Variants in ADGRD1 observed in about 807,000 individuals in gnomAD.
ADGRD1 encodes the protein G-protein coupled receptor 133.
ADGRD1 carries 77 observed loss-of-function variants against 113.4 expected under a neutral mutation model. That is an observed-to-expected ratio of 0.68 (90% CI 0.57 to 0.82). The LOEUF (loss-of-function observed/expected upper bound fraction) is 0.82, where lower values mean the gene tolerates loss of function less well. Among genes scored for constraint, ADGRD1 ranks in the 40% least tolerant of loss-of-function variants. The probability of loss-of-function intolerance (pLI) is 0.00; values close to 1 mark genes in which losing one functional copy is unlikely to be tolerated. For synonymous variants in ADGRD1, 474 were observed against 475.0 expected (o/e 1.00, Z 0.03); for missense variants, 1,036 against 1,139.1 (o/e 0.91, Z 1.30).
chr12:131,129,413 G>A (rs1955035256), intron 20 of ADGRD1, among the ~76,000 whole-genome samples: 4 of 136,904 alleles, frequency 2.9e-5, no homozygotes, highest in Admixed American at 2.8e-4. Flanking sequence ...CTGTCTGGGT[G>A]TGAGTGACAG....
chr12:130,988,672 C>A (rs1256076959), intron 6 of ADGRD1: 1 of 152,284 alleles, frequency 6.6e-6, no homozygotes, highest in African/African-American at 2.4e-5. Context: ...CTGCGTTTGA[C>A]CCTGCCCTCT....
intron 15 of ADGRD1, among the ~76,000 whole-genome samples, chr12:131,103,718 C>T (rs1410103442): frequency 6.6e-6 from 1 of 152,222 alleles, no homozygotes; most frequent in Non-Finnish European, 1.5e-5. Context: ...CCCCTACCCG[C>T]ATGCCACAGG....
chr12:130,958,844 GC>G (rs1221182144), intron 2 of ADGRD1, among the ~76,000 whole-genome samples: 4 of 147,142 alleles, frequency 2.7e-5, no homozygotes, highest in Admixed American at 2.0e-4. Context: ...TGCACGTTGG[GC>G]CTTTCAATGA....
chr12:131,034,938 A>G (rs911657227), intron 13 of ADGRD1, among the ~76,000 whole-genome samples: 15 of 152,118 alleles, frequency 9.9e-5, no homozygotes, highest in African/African-American at 3.6e-4. Flanking sequence ...CGCCCCCTTC[A>G]GCCCTCCCCT....
At chr12:131,009,723 G>T (rs1250911590) in intron 12 of ADGRD1, among the ~76,000 whole-genome samples, 1 of 151,594 alleles carries the variant, frequency 6.6e-6, no homozygotes, top group East Asian at 1.9e-4. Context: ...ATATGTGCAT[G>T]TGTGTTTTGT....
chr12:131,035,531 G>T (rs1488927046), intron 13 of ADGRD1: 1 of 152,276 alleles, frequency 6.6e-6, no homozygotes, highest in African/African-American at 2.4e-5. Context: ...AATTGAGACT[G>T]CAGTCTGCAC....
chr12:130,973,877 C>T (rs1871986143), intron 4 of ADGRD1, among the ~76,000 whole-genome samples: 1 of 152,096 alleles, frequency 6.6e-6, no homozygotes, highest in Admixed American at 6.5e-5. Flanking sequence ...TGCATGAGCC[C>T]AGGAGTTCGA....
chr12:131,111,614 GT>G lies in ADGRD1; in HGVS notation c.2041+2747del, dbSNP rs913070381. On this transcript the variant is annotated intron_variant, in intron 18 of 24. Coordinates refer to ENST00000261654, the MANE Select transcript of ADGRD1 (RefSeq NM_198827.5). Reference sequence around the variant, plus strand: ...CTAAGACTCTTGATTTTTCTTCATTGTTTTTTTTTTCTTTGTTCTTCAAATT... The same window carrying G: ...CTAAGACTCTTGATTTTTCTTCATTGTTTTTTTTTCTTTGTTCTTCAAATT... 7.0e-3 allele frequency among the ~76,000 whole-genome samples: 646 copies of G among 92,102 alleles called. 2 individuals are homozygous for G. Among genetic ancestry groups the G allele is most frequent in the African/African-American group, 0.017 (585 of 34,996 alleles). 60.4% of individuals were successfully genotyped at this position (92,102 alleles called of 152,430 possible).
chr12:131,131,977 C>A (rs904575820), intron 21 of ADGRD1, among the ~76,000 whole-genome samples, 161 bp downstream of exon 21: 3 of 152,208 alleles, frequency 2.0e-5, no homozygotes, highest in Non-Finnish European at 4.4e-5. Flanking sequence ...TGGTTTCACG[C>A]CCTCGCTTGG....
At chr12:131,012,821 C>G (rs1195706568) in intron 12 of ADGRD1, among the ~76,000 whole-genome samples, 1 of 152,178 alleles carries the variant, frequency 6.6e-6, no homozygotes, top group Non-Finnish European at 1.5e-5. Context: ...CTCAGTCAGT[C>G]AGCGCTTTGG....
At chr12:131,137,946 G>A (rs996284040) in intron 23 of ADGRD1, 191 bp from the exon 24 acceptor site, 18 of 589,402 alleles carry the variant, frequency 3.1e-5, no homozygotes, top group East Asian at 8.8e-5. Flanking sequence ...CCTGGCCTGC[G>A]ATACAACCTG....
rs1245832217 is a variant in ADGRD1 at position 131,003,471 on chromosome 12, G to A, written c.1144+169G>A. Among the ~76,000 whole-genome samples, 1 of 152,328 alleles carries A rather than the reference G, an allele frequency of 6.6e-6. No homozygotes were observed. The highest frequency in any genetic ancestry group is 1.9e-4 in the East Asian group (1 of 5,170). ...GAAAACCCGTGGTCAGATGAGGGCA[G>A]GTGTGTTCGGCCATGATATGCAGAT... is the stretch of plus-strand genomic sequence containing the variant. On this transcript the variant is annotated intron_variant, in intron 10 of 24. Coordinates refer to ENST00000261654, the MANE Select transcript of ADGRD1 (RefSeq NM_198827.5). This position sits in a 1 kb window ranked among gnomAD's most constrained non-coding sequence, Gnocchi z 4.8.
chr12:131,137,047 T>C, intron 23 of ADGRD1, 33 bp downstream of exon 23: 2 of 1,579,806 alleles, frequency 1.3e-6, no homozygotes, highest in Non-Finnish European at 1.7e-6. Flanking sequence ...CAGGTGCAGG[T>C]GCAGCTGGCT....
At chr12:131,082,370 C>T (rs1440142994) in intron 14 of ADGRD1, among the ~76,000 whole-genome samples, 2 of 152,184 alleles carry the variant, frequency 1.3e-5, no homozygotes, top group South Asian at 2.1e-4. Flanking sequence ...GCAAGCCTGC[C>T]TCTTTGTTTT....
intron 13 of ADGRD1, chr12:131,026,075 C>T (rs1300379071): frequency 6.6e-6 from 1 of 152,290 alleles, no homozygotes; most frequent in Non-Finnish European, 1.5e-5. Flanking sequence ...TGTCTGGGCC[C>T]TCAGGCTGCA....
chr12:131,093,154 G>A (rs1249604627), intron 15 of ADGRD1, among the ~76,000 whole-genome samples: 2 of 152,076 alleles, frequency 1.3e-5, no homozygotes, highest in African/African-American at 4.8e-5. Context: ...GAAGGACTTG[G>A]GTTAGAACTG....
intron 13 of ADGRD1, among the ~76,000 whole-genome samples, chr12:131,064,178 T>C (rs1035940526): frequency 6.6e-6 from 1 of 152,260 alleles, no homozygotes; most frequent in African/African-American, 2.4e-5. Flanking sequence ...TCTTCCTTTC[T>C]GTGCTGGCTG....
Position 131,050,718 on chromosome 12 carries a change from A to T in ADGRD1, c.1474-26083A>T, listed in dbSNP as rs1020520053. Among the ~76,000 whole-genome samples, 4 of 152,044 alleles carry T rather than the reference A, an allele frequency of 2.6e-5. No individual in the cohort carries two copies. Among genetic ancestry groups the T allele is most frequent in the African/African-American group, 9.7e-5 (4 of 41,392 alleles). ...GTCCCCAGACATTTTGGCACCAGGG[A>T]CTGGTTTCGTGGAAGACAATTTTTG... On this transcript the variant is annotated intron_variant, in intron 13 of 24. Transcript: ENST00000261654. The surrounding 1 kb of genome is among the most constrained non-coding windows in gnomAD (Gnocchi z 4.8).
At chr12:131,035,591 C>T (rs1179136771) in intron 13 of ADGRD1, 1 of 151,776 alleles carries the variant, frequency 6.6e-6, no homozygotes, top group Non-Finnish European at 1.5e-5. Flanking sequence ...TCCACTGAGC[C>T]GAGACACAGC....
Sources: allele counts gnomAD v4.1 joint callset (sites outside exome capture counted in the v4.1 genomes callset), GRCh38; gene constraint gnomAD v4.1.1; non-coding constraint Gnocchi (gnomAD v3.1); transcripts MANE v1.5; gene names NCBI Gene and HGNC (gene_info 2026-07-23, HGNC 2026-07-21).